The following PGM3 variants were observed in gnomAD, a reference collection of about 807,000 sequenced individuals.
PGM3 encodes phosphoacetylglucosamine mutase.
A neutral mutation model predicts 66.2 loss-of-function variants in PGM3; 40 were observed. That is an observed-to-expected ratio of 0.60 (90% CI 0.47 to 0.79). PGM3 has a LOEUF of 0.79. Ranked by LOEUF, PGM3 falls within the 30% of genes least tolerant of loss-of-function variation. The pLI, the probability that PGM3 is intolerant of heterozygous loss-of-function variation, is 0.00. For synonymous variants in PGM3, 191 were observed against 224.2 expected, an observed-to-expected ratio of 0.85 and a Z score of 1.32; for missense variants, 537 against 643.4, an observed-to-expected ratio of 0.83 and a Z score of 1.79.
downstream of PGM3, chr6:83,162,989 T>A: frequency 6.7e-7 from 1 of 1,489,110 alleles, no homozygotes; most frequent in East Asian, 2.3e-5. Flanking sequence ...ATTTATTAAA[T>A]ACTTCCTGGG....
At chr6:83,172,606 C>A (rs901613201) in intron 10 of PGM3, among the ~76,000 whole-genome samples, 1 of 152,026 alleles carries the variant, frequency 6.6e-6, no homozygotes, top group Non-Finnish European at 1.5e-5. Context: ...TTGCAGTGAG[C>A]CAAGATTGCG....
chr6:83,154,800 AAAAG>A, the PGM3 span, among the ~76,000 whole-genome samples: 2 of 152,176 alleles, frequency 1.3e-5, no homozygotes, highest in East Asian at 1.9e-4. Context: ...CATCTGAAAA[AAAAG>A]AGTTTTAAAA....
chr6:83,151,684 C>CAAAACTGTTTCTCAGTGCCCTCAATTG, the PGM3 span: 2 of 1,579,492 alleles, frequency 1.3e-6, no homozygotes, highest in Non-Finnish European at 1.7e-6. Flanking sequence ...GAGCTGTTGC[C>CAAAACTGTTTCTCAGTGCCCTCAATTG]AAAACTGTTT....
At chr6:83,158,468 T>G (rs984256607), downstream of PGM3, 3 of 938,720 alleles carry the variant, frequency 3.2e-6, no homozygotes, top group Admixed American at 8.2e-5. Context: ...AAATGTATTC[T>G]AAAATTTGTT....
chr6:83,193,716 A>G (rs1789389499), upstream of PGM3: 1 of 152,740 alleles, frequency 6.5e-6, no homozygotes, highest in Admixed American at 6.5e-5. Flanking sequence ...CATCTCCCAA[A>G]CCTTTGAATC....
rs1490821815 is a variant in PGM3 at position 83,172,249 on chromosome 6, C to T, written c.1243-190G>A. 7.2e-5 allele frequency among the ~76,000 whole-genome samples: 11 copies of T among 152,228 alleles called. No homozygotes were observed. In the East Asian group the frequency reaches 9.7e-4, roughly 13 times the overall value. ...TGTGACAGGTCAAAATGTGGGTATA[C>T]AACTGCCAGGTGTGGTGGCATACAC... is the stretch of plus-strand genomic sequence containing the variant. On this transcript the variant is annotated intron_variant, in intron 10 of 12. Coordinates refer to ENST00000513973, the MANE Select transcript of PGM3 (RefSeq NM_015599.3).
At chr6:83,158,463 T>C (rs1226307326), downstream of PGM3, 29 of 873,316 alleles carry the variant, frequency 3.3e-5, no homozygotes, top group Non-Finnish European at 5.2e-5. Flanking sequence ...TCTGAAAATG[T>C]ATTCTAAAAT....
chr6:83,188,442 G>A, intron 3 of PGM3, 172 bp downstream of exon 3: 1 of 552,656 alleles, frequency 1.8e-6, no homozygotes, highest in Middle Eastern at 4.8e-4. Flanking sequence ...CAAACCCCAA[G>A]CTGCAGTAGT....
chr6:83,165,568 T>C lies in PGM3; in HGVS notation c.*3666A>G, dbSNP rs1785278722. ...TGAGAAATAAGTTTGTTTACTCCTG[T>C]AGCATAAAAATCCATGCTTCCAAAT... On this transcript the variant is annotated 3_prime_UTR_variant, in exon 13 of 13. Transcript: ENST00000513973. The C allele has an allele frequency of 5.6e-6, 1 of 177,376 alleles. No homozygotes were observed. The allele number at this position is 177,376 out of a possible 1,614,324, so 11.0% of individuals were successfully genotyped here. A position where few individuals can be genotyped will look rare whatever the true frequency, so the allele number is the denominator to read the frequency against.
At chr6:83,184,051 C>A (rs149981329) in intron 4 of PGM3, among the ~76,000 whole-genome samples, 1,613 of 152,064 alleles carry the variant, frequency 0.011, 38 homozygotes, top group African/African-American at 0.036. Context: ...CCAGCCAGTG[C>A]CCCAGGTACC....
At chr6:83,156,031 C>T in the PGM3 span, 4 of 1,613,768 alleles carry the variant, frequency 2.5e-6, no homozygotes, top group Non-Finnish European at 3.4e-6. Context: ...AGCTATGCTT[C>T]TTAAAAGATT....
rs776399870 is a variant in PGM3 at position 83,191,190 on chromosome 6, C to A, written c.-2-176G>T. 1 of 1,533,246 alleles carries A rather than the reference C, an allele frequency of 6.5e-7. No homozygotes were observed. The highest frequency in any genetic ancestry group is 2.4e-5 in the East Asian group (1 of 40,888). The allele number at this position is 1,533,246 out of a possible 1,614,324, so 95.0% of individuals were successfully genotyped here. ...AAGTCCTGTGGGTTAGAATTACCTA[C>A]AAGATGTTGTCCAACTTGGTATGTC... On this transcript the variant is annotated intron_variant, in intron 1 of 12. Coordinates refer to ENST00000513973, the MANE Select transcript of PGM3 (RefSeq NM_015599.3).
At chr6:83,179,168 A>C (rs1455209040) in intron 7 of PGM3, among the ~76,000 whole-genome samples, 2 of 151,940 alleles carry the variant, frequency 1.3e-5, no homozygotes, top group Non-Finnish European at 2.9e-5. Context: ...AAAATTAGCC[A>C]GGTGTGGTGG....
At chr6:83,172,842 AT>A (rs1001199005) in intron 10 of PGM3, among the ~76,000 whole-genome samples, 1 of 152,320 alleles carries the variant, frequency 6.6e-6, no homozygotes, top group African/African-American at 2.4e-5. Context: ...GTGTAAAAAA[AT>A]GATTGATTGC....
chr6:83,180,605 G>GA (rs1788107558), intron 6 of PGM3, among the ~76,000 whole-genome samples: 1 of 152,180 alleles, frequency 6.6e-6, no homozygotes, highest in Non-Finnish European at 1.5e-5. Context: ...GGGATCATAA[G>GA]ATTGATGAAA....
intron 11 of PGM3, chr6:83,170,780 G>C (rs1206084880): frequency 4.4e-6 from 1 of 226,960 alleles, no homozygotes; most frequent in Non-Finnish European, 8.6e-6. Flanking sequence ...ATAAGTGGTA[G>C]CCCATTATAT....
chr6:83,172,043 A>G lies in PGM3; in HGVS notation c.1259T>C (p.Ile420Thr). ...TGCTTCAATCACCAGCATGTCAGAAATAGCATCACCAGCTGCCTGCAAATG... is the reference window on the plus strand; with the variant it reads ...TGCTTCAATCACCAGCATGTCAGAAGTAGCATCACCAGCTGCCTGCAAATG... ...DLFNQAAGDAISDMLVIEAIL... is the reference protein window; with the variant it reads ...DLFNQAAGDATSDMLVIEAIL... Residue 420 changes from isoleucine to threonine, a missense_variant, in exon 11 of 13, where the codon ATT becomes ACT. Transcript: ENST00000513973. 2 of 1,614,044 alleles carry G rather than the reference A, an allele frequency of 1.2e-6. No homozygotes were observed. Among genetic ancestry groups the G allele is most frequent in the African/African-American group, 2.7e-5 (2 of 75,058 alleles).
rs940939623 is a variant in PGM3, at chr6:83,165,055, T to G, written c.*4179A>C. 18 of 223,034 alleles carry G rather than the reference T, an allele frequency of 8.1e-5. No homozygotes were observed. The Admixed American group carries it at 9.2e-4, about 11-fold the overall frequency. The allele number at this position is 223,034 out of a possible 1,614,324, so 13.8% of individuals were successfully genotyped here. On this transcript the variant is annotated 3_prime_UTR_variant, in exon 13 of 13. Coordinates refer to ENST00000513973, the MANE Select transcript of PGM3 (RefSeq NM_015599.3). ...GGTTACCCCATAGTTCTCTTACATTTGGAAGTTAGCTATATAGAGGGTACA... is the reference window on the plus strand; with the variant it reads ...GGTTACCCCATAGTTCTCTTACATTGGGAAGTTAGCTATATAGAGGGTACA...
the PGM3 span, among the ~76,000 whole-genome samples, chr6:83,151,001 AACAC>A: frequency 5.3e-5 from 8 of 152,222 alleles, no homozygotes; most frequent in Admixed American, 5.2e-4. Flanking sequence ...CCACTATTCT[AACAC>A]CACAGATGGA....
Sources: gnomAD v4.1 joint callset for allele counts (sites outside exome capture counted in the v4.1 genomes callset) on GRCh38, gnomAD v4.1.1 for gene constraint, MANE v1.5 for transcripts, NCBI Gene and HGNC (gene_info 2026-07-23, HGNC 2026-07-21) for gene names.